ST8SIA6: variants seen among roughly 807,000 people sequenced by gnomAD.
ST8SIA6 encodes the protein alpha-2,8-sialyltransferase 8F.
ST8SIA6 carries 39 observed loss-of-function variants against 33.6 expected under a neutral mutation model. The ratio of observed to expected loss-of-function variants is 1.16; its 90% confidence interval spans 0.90 to 1.52. The LOEUF is 1.52. ST8SIA6 is among the 40% of genes most tolerant of loss of function. ST8SIA6 has a pLI of 0.00. For synonymous variants in ST8SIA6, 172 were observed against 167.2 expected (o/e 1.03, Z -0.22); for missense variants, 441 against 443.8 (o/e 0.99, Z 0.06).
chr10:17,386,672 GC>G (rs1212579699), intron 3 of ST8SIA6, among the ~76,000 whole-genome samples: 1 of 152,244 alleles, frequency 6.6e-6, no homozygotes, highest in Admixed American at 6.5e-5. Flanking sequence ...GCAGTGTGGA[GC>G]AACAGGCAGT....
chr10:17,320,163 G>A lies in ST8SIA6; in HGVS notation c.*715C>T, dbSNP rs532446442. 4 of 152,254 alleles carry A rather than the reference G, an allele frequency of 2.6e-5. No homozygotes were observed. The highest frequency in any genetic ancestry group is 2.1e-4 in the South Asian group (1 of 4,824). The allele number at this position is 152,254 out of a possible 1,614,324, so 9.4% of individuals were successfully genotyped here. Reference sequence around the variant, plus strand: ...AAGACTGGGTATTGTAACTGTTCACGTCCTTGAAGTATATCGTATAAGTGA... The same window carrying A: ...AAGACTGGGTATTGTAACTGTTCACATCCTTGAAGTATATCGTATAAGTGA... On this transcript the variant is annotated 3_prime_UTR_variant, in exon 8 of 8. Transcript: ENST00000377602.
intron 2 of ST8SIA6, among the ~76,000 whole-genome samples, chr10:17,410,964 G>C (rs921552108): frequency 7.9e-5 from 12 of 152,136 alleles, no homozygotes; most frequent in African/African-American, 2.9e-4. Flanking sequence ...GGAAGGGTTA[G>C]CAGAGCATCC....
intron 2 of ST8SIA6, among the ~76,000 whole-genome samples, chr10:17,429,068 A>G (rs371014655): frequency 1.7e-4 from 25 of 151,068 alleles, no homozygotes; most frequent in East Asian, 1.5e-3. Flanking sequence ...TTCATTTAAC[A>G]TCTTGTGTTT....
At chr10:17,329,554 A>G (rs1427333745) in intron 5 of ST8SIA6, among the ~76,000 whole-genome samples, 1 of 152,194 alleles carries the variant, frequency 6.6e-6, no homozygotes, top group African/African-American at 2.4e-5. Flanking sequence ...GCCAGTATCT[A>G]CTAAATGGTG....
At chr10:17,388,300 G>A (rs1369055972) in intron 3 of ST8SIA6, among the ~76,000 whole-genome samples, 1 of 152,186 alleles carries the variant, frequency 6.6e-6, no homozygotes. Flanking sequence ...AGATCAGCCT[G>A]CTAGGGACAC....
At chr10:17,321,554 G>C in intron 7 of ST8SIA6, among the ~76,000 whole-genome samples, 1 of 152,050 alleles carries the variant, frequency 6.6e-6, no homozygotes, top group Non-Finnish European at 1.5e-5. Flanking sequence ...CTCTTTCTTG[G>C]AATCCTTTCA....
chr10:17,441,469 T>C (rs1001622524), intron 2 of ST8SIA6, among the ~76,000 whole-genome samples: 5 of 151,924 alleles, frequency 3.3e-5, no homozygotes, highest in African/African-American at 1.2e-4. Context: ...TGCACCACCA[T>C]GCCTGGCTAA....
At chr10:17,389,322 AGGCAGTG>A (rs993130431) in intron 3 of ST8SIA6, among the ~76,000 whole-genome samples, 5 of 152,222 alleles carry the variant, frequency 3.3e-5, no homozygotes, top group Non-Finnish European at 7.3e-5. Context: ...GGTTCTGTCT[AGGCAGTG>A]GGCAAGGTGA....
At chr10:17,414,016 C>T (rs1851532209) in intron 2 of ST8SIA6, among the ~76,000 whole-genome samples, 1 of 152,166 alleles carries the variant, frequency 6.6e-6, no homozygotes, top group Non-Finnish European at 1.5e-5. Flanking sequence ...GAGAAGCCCC[C>T]ATGCCCAATA....
At chr10:17,323,187 AAT>A in intron 6 of ST8SIA6, 30 bp from the exon 7 acceptor site, 1 of 1,589,874 alleles carries the variant, frequency 6.3e-7, no homozygotes, top group South Asian at 1.1e-5. Context: ...TCATTTTCAA[AAT>A]AGAACTTGTA....
chr10:17,387,129 GGAGGGTGAAAAGCTAT>G (rs1268242308), intron 3 of ST8SIA6: 4 of 152,404 alleles, frequency 2.6e-5, no homozygotes, highest in Admixed American at 2.0e-4. Context: ...AGATGAAACT[GGAGGGTGAAAAGCTAT>G]GAGGGTGAAA....
At chr10:17,345,015 T>C (rs1447284685) in intron 4 of ST8SIA6, among the ~76,000 whole-genome samples, 1 of 147,574 alleles carries the variant, frequency 6.8e-6, no homozygotes, top group Non-Finnish European at 1.5e-5. Context: ...GAACATCCCA[T>C]CCCATGGAGA....
At chr10:17,384,273 C>G (rs183267368) in intron 3 of ST8SIA6, among the ~76,000 whole-genome samples, 2 of 151,960 alleles carry the variant, frequency 1.3e-5, no homozygotes, top group African/African-American at 4.8e-5. Context: ...AGGAAATTCA[C>G]GAAACTCGTA....
chr10:17,347,959 A>G (rs1419274020), intron 4 of ST8SIA6, among the ~76,000 whole-genome samples: 2 of 151,196 alleles, frequency 1.3e-5, no homozygotes, highest in East Asian at 3.9e-4. Flanking sequence ...GTCTCAAAAA[A>G]AAAAAAAAAA....
intron 2 of ST8SIA6, among the ~76,000 whole-genome samples, chr10:17,449,003 A>G (rs1004216185): frequency 1.3e-5 from 2 of 151,464 alleles, no homozygotes; most frequent in Non-Finnish European, 2.9e-5. Flanking sequence ...AAAATATTCA[A>G]AGTCTTCACC....
intron 2 of ST8SIA6, among the ~76,000 whole-genome samples, chr10:17,420,417 T>A (rs1045547006): frequency 3.3e-5 from 5 of 151,874 alleles, no homozygotes; most frequent in East Asian, 1.9e-4. Context: ...GTCAAAAAAA[T>A]AAATAAATAA....
At chr10:17,441,592 C>T (rs955085289) in intron 2 of ST8SIA6, among the ~76,000 whole-genome samples, 2 of 151,646 alleles carry the variant, frequency 1.3e-5, no homozygotes, top group Admixed American at 1.3e-4. Flanking sequence ...TACAGGCGTG[C>T]ACCACTGCAC....
chr10:17,382,331 T>C (rs952555489), intron 3 of ST8SIA6, among the ~76,000 whole-genome samples: 2 of 152,130 alleles, frequency 1.3e-5, no homozygotes, highest in Admixed American at 6.5e-5. Flanking sequence ...ATTGGTACAA[T>C]TTTGGCTCAC....
intron 3 of ST8SIA6, among the ~76,000 whole-genome samples, chr10:17,361,600 TA>T (rs1849392371): frequency 6.7e-6 from 1 of 150,094 alleles, no homozygotes; most frequent in Non-Finnish European, 1.5e-5. Context: ...TAAGGAATAT[TA>T]ATACCAATTG....
Sources: allele counts gnomAD v4.1 joint callset (sites outside exome capture counted in the v4.1 genomes callset), GRCh38; gene constraint gnomAD v4.1.1; transcripts MANE v1.5; gene names NCBI Gene and HGNC (gene_info 2026-07-23, HGNC 2026-07-21).